PDE4B: variants seen among roughly 807,000 people sequenced by gnomAD.
PDE4B encodes phosphodiesterase 4B.
A neutral mutation model predicts 82.2 loss-of-function variants in PDE4B; 20 were observed. The ratio of observed to expected loss-of-function variants is 0.24; its 90% CI spans 0.17 to 0.35. The LOEUF (loss-of-function observed/expected upper bound fraction) is 0.35, where lower values mean the gene tolerates loss of function less well. Among genes scored for constraint, PDE4B ranks in the 10% least tolerant of loss-of-function variants. The pLI is 1.00. For synonymous variants in PDE4B, 320 were observed against 318.9 expected (o/e 1.00, Z -0.04); for missense variants, 655 against 907.2 (o/e 0.72, Z 3.57).
At chr1:66,064,866 A>G (rs1461202560) in intron 3 of PDE4B, among the ~76,000 whole-genome samples, 1 of 150,144 alleles carries the variant, frequency 6.7e-6, no homozygotes, top group Non-Finnish European at 1.5e-5. Flanking sequence ...GAGGTTAAAA[A>G]GAAAAAAAAG....
intron 7 of PDE4B, among the ~76,000 whole-genome samples, chr1:66,269,667 GTGTGA>G (rs1429719063): frequency 6.6e-6 from 1 of 152,220 alleles, no homozygotes; most frequent in African/African-American, 2.4e-5. Flanking sequence ...ACACATGTGT[GTGTGA>G]TAATTGTCGC....
chr1:66,359,597 C>T (rs1662586016), intron 9 of PDE4B, among the ~76,000 whole-genome samples: 1 of 152,204 alleles, frequency 6.6e-6, no homozygotes, highest in South Asian at 2.1e-4. Flanking sequence ...AGCTCAATTA[C>T]TCACTGTTGC....
intron 3 of PDE4B, among the ~76,000 whole-genome samples, chr1:66,062,646 G>A (rs1163585379): frequency 3.3e-5 from 5 of 152,012 alleles, no homozygotes; most frequent in Admixed American, 6.6e-5. Flanking sequence ...TTGTTGTAAG[G>A]TATGCTAGAG....
At chr1:66,202,522 T>C (rs1315735196) in intron 3 of PDE4B, among the ~76,000 whole-genome samples, 1 of 152,226 alleles carries the variant, frequency 6.6e-6, no homozygotes, top group African/African-American at 2.4e-5. Flanking sequence ...TTTATGAATC[T>C]GGGTGCGCCT....
chr1:65,836,362 C>T (rs1362086113), intron 1 of PDE4B, among the ~76,000 whole-genome samples: 1 of 152,190 alleles, frequency 6.6e-6, no homozygotes, highest in African/African-American at 2.4e-5. Flanking sequence ...CTGGTCTTGT[C>T]TTCCTCTGAT....
intron 7 of PDE4B, among the ~76,000 whole-genome samples, chr1:66,330,309 C>T (rs1242239466): frequency 6.6e-6 from 1 of 152,170 alleles, no homozygotes; most frequent in Admixed American, 6.5e-5. Flanking sequence ...TCTAGAAGTA[C>T]CTGAGTGCTT....
intron 3 of PDE4B, among the ~76,000 whole-genome samples, chr1:66,213,686 C>A (rs1650238991): frequency 6.6e-6 from 1 of 152,094 alleles, no homozygotes; most frequent in South Asian, 2.1e-4. Flanking sequence ...GGCTGGATGA[C>A]CCTGTGTTAA....
chr1:65,895,020 C>T (rs1260138440), intron 1 of PDE4B, among the ~76,000 whole-genome samples: 2 of 152,064 alleles, frequency 1.3e-5, no homozygotes, highest in African/African-American at 4.8e-5. Flanking sequence ...ACTCAGAAAT[C>T]GCAGTCTTAG....
At chr1:65,951,012 A>G (rs1433391692) in intron 3 of PDE4B, among the ~76,000 whole-genome samples, 1 of 152,040 alleles carries the variant, frequency 6.6e-6, no homozygotes, top group East Asian at 1.9e-4. Context: ...TTTTTAGTGG[A>G]ATTATACTCA....
At chr1:66,114,129 A>G (rs557430930) in intron 3 of PDE4B, among the ~76,000 whole-genome samples, 5 of 152,296 alleles carry the variant, frequency 3.3e-5, no homozygotes, top group East Asian at 3.9e-4. Context: ...GAGAGTTGCC[A>G]TGGCCCTTCC....
chr1:66,191,480 A>T (rs1336323769), intron 3 of PDE4B, among the ~76,000 whole-genome samples: 1 of 152,200 alleles, frequency 6.6e-6, no homozygotes, highest in Non-Finnish European at 1.5e-5. Context: ...TTTAAAAATT[A>T]GCAGAAATTA....
At chr1:65,824,083 G>C (rs980411644) in intron 1 of PDE4B, among the ~76,000 whole-genome samples, 1 of 152,120 alleles carries the variant, frequency 6.6e-6, no homozygotes, top group African/African-American at 2.4e-5. Flanking sequence ...TATACTAGGG[G>C]ATAGCAATTG....
At chr1:66,020,670 A>G (rs1322845894) in intron 3 of PDE4B, among the ~76,000 whole-genome samples, 1 of 152,184 alleles carries the variant, frequency 6.6e-6, no homozygotes, top group African/African-American at 2.4e-5. Context: ...GCTGCATAGT[A>G]TTCCATGGTG....
chr1:66,167,612 C>T (rs188944932), intron 3 of PDE4B, among the ~76,000 whole-genome samples: 38 of 152,204 alleles, frequency 2.5e-4, no homozygotes, highest in African/African-American at 7.7e-4. Context: ...GTAAATTTTA[C>T]AGCATATGAA....
At chr1:66,068,281 G>A (rs1451660145) in intron 3 of PDE4B, among the ~76,000 whole-genome samples, 1 of 151,850 alleles carries the variant, frequency 6.6e-6, no homozygotes, top group Admixed American at 6.6e-5. Context: ...GGGATACAGA[G>A]AAAGAGTCTG....
chr1:66,023,193 G>T (rs1453745648), intron 3 of PDE4B, among the ~76,000 whole-genome samples: 1 of 152,106 alleles, frequency 6.6e-6, no homozygotes, highest in Non-Finnish European at 1.5e-5. Flanking sequence ...CATCCTGGTG[G>T]ATCTAAAAGG....
intron 1 of PDE4B, among the ~76,000 whole-genome samples, chr1:65,833,119 A>G (rs112140467): frequency 6.1e-4 from 93 of 152,344 alleles, no homozygotes; most frequent in African/African-American, 1.9e-3. Flanking sequence ...TTACCATTGC[A>G]TAATCTAGCC....
At chr1:66,371,570 C>T (rs61796507) in intron 16 of PDE4B, among the ~76,000 whole-genome samples, 25,392 of 152,012 alleles carry the variant, frequency 0.17, 2,353 homozygotes, top group Middle Eastern at 0.3. Context: ...TTTTTATTTT[C>T]CCTTCTTTCA....
chr1:66,174,048 A>C (rs1204009381), intron 3 of PDE4B, among the ~76,000 whole-genome samples: 2 of 152,198 alleles, frequency 1.3e-5, no homozygotes, highest in Admixed American at 6.5e-5. Context: ...TGGCCTCCCA[A>C]AGTGCTGAGA....
Sources: allele counts gnomAD v4.1 joint callset (sites outside exome capture counted in the v4.1 genomes callset), GRCh38; gene constraint gnomAD v4.1.1; transcripts MANE v1.5; gene names NCBI Gene and HGNC (gene_info 2026-07-23, HGNC 2026-07-21).